The following MYO1C variants were observed in gnomAD, a reference collection of about 807,000 sequenced individuals.
The protein encoded by MYO1C is myosin IC, also known as unconventional myosin-Ic.
Under a neutral mutation model 150.8 loss-of-function variants are expected in MYO1C, and 104 were observed. The observed-to-expected ratio is 0.69, with a 90% CI of 0.59 to 0.81. The LOEUF (loss-of-function observed/expected upper bound fraction) is 0.81. MYO1C is among the 30% of genes least tolerant of loss of function. The pLI, the probability that MYO1C is intolerant of heterozygous loss-of-function variation, is 0.00. For synonymous variants in MYO1C, 663 were observed against 579.9 expected, an observed-to-expected ratio of 1.14 and a Z score of -2.06; for missense variants, 1,504 against 1,435.0, an observed-to-expected ratio of 1.05 and a Z score of -0.78.
chr17:1,485,371 C>A (rs2150965412), intron 1 of MYO1C: 2 of 156,120 alleles, frequency 1.3e-5, no homozygotes, highest in Non-Finnish European at 1.9e-5. Context: ...CGGGGGCCTG[C>A]CCCTCCCAGG....
At chr17:1,466,779 A>C (rs2074180406) in intron 31 of MYO1C, among the ~76,000 whole-genome samples, 1 of 150,880 alleles carries the variant, frequency 6.6e-6, no homozygotes, top group African/African-American at 2.4e-5. Flanking sequence ...GGCGTGCACC[A>C]CCACGCCCGG....
chr17:1,474,537 T>A, intron 17 of MYO1C, 73 bp downstream of exon 17: 1 of 1,504,556 alleles, frequency 6.6e-7, no homozygotes, highest in South Asian at 1.1e-5. Flanking sequence ...CGCTGCCAGC[T>A]CCCAGGCTCA....
At position 1,477,558 on chromosome 17, in the gene MYO1C, C is replaced by A. The variant is rs1227961508; in HGVS notation, c.1521G>T (p.Leu507=). 1 of 1,613,484 alleles carries A rather than the reference C, an allele frequency of 6.2e-7. No individual in the cohort carries two copies. The highest frequency in any genetic ancestry group is 1.3e-5 in the African/African-American group (1 of 74,902). ...ECLRPGEATD[L]TFLEKLEDTV... is the part of the protein sequence containing the mutation. Reference sequence around the variant, plus strand: ...TATCCTCCAGCTTCTCCAGGAAGGTCAGGTCTGTGGCCTCCCCGGGGCGCA... The same window carrying A: ...TATCCTCCAGCTTCTCCAGGAAGGTAAGGTCTGTGGCCTCCCCGGGGCGCA... Residue 507 remains leucine, a synonymous_variant, in exon 14 of 32, where the codon CTG becomes CTT. Transcript: ENST00000648651.
At chr17:1,483,412 C>A (rs764016545) in intron 3 of MYO1C, among the ~76,000 whole-genome samples, 198 bp downstream of exon 3, 1 of 151,530 alleles carries the variant, frequency 6.6e-6, no homozygotes, top group Non-Finnish European at 1.5e-5. Flanking sequence ...GGGTGTGAGT[C>A]GGGGTAGGGA....
rs371238639 is a variant in MYO1C, at chr17:1,470,693, C to T, written c.2213-4G>A. ...CAGGCAGCTTGGATCTTTGTGGCTG[C>T]GGTTGGGAAAGAAAGGCAATTGGCC... On this transcript the variant is annotated splice_polypyrimidine_tract_variant and splice_region_variant and intron_variant, in intron 21 of 31. Coordinates refer to ENST00000648651, the MANE Select transcript of MYO1C (RefSeq NM_001080779.2). 111 of 1,602,136 alleles carry T rather than the reference C, an allele frequency of 6.9e-5. No homozygotes were observed. Among genetic ancestry groups the T allele is most frequent in the Middle Eastern group, 3.3e-4 (2 of 6,082 alleles).
rs532136615 is a variant in MYO1C at position 1,470,897 on chromosome 17, G to C, written c.2212+174C>G. On this transcript the variant is annotated intron_variant, in intron 21 of 31. Coordinates refer to ENST00000648651, the MANE Select transcript of MYO1C (RefSeq NM_001080779.2). ...GGTGGGCGTGGGGCTGGAGCTGGTG[G>C]GGAGGGGCTCCAAGTCGGCCATTGG... The C allele has an allele frequency of 3.8e-5, 35 of 915,308 alleles. 1 individual carries two copies. The South Asian group carries it at 4.3e-4, about 11-fold the overall frequency. The allele number at this position is 915,308 out of a possible 1,614,324, so 56.7% of individuals were successfully genotyped here.
At chr17:1,485,007 C>T (rs932322108) in intron 1 of MYO1C, 60 of 868,558 alleles carry the variant, frequency 6.9e-5, no homozygotes, top group Non-Finnish European at 9.7e-5. Context: ...CTCCAGAACG[C>T]GGGGGAGGCC....
At chr17:1,469,428 C>A in intron 25 of MYO1C, 103 bp downstream of exon 25, 2 of 1,137,188 alleles carry the variant, frequency 1.8e-6, no homozygotes, top group Non-Finnish European at 2.6e-6. Flanking sequence ...GCGGTAAATA[C>A]GGTAGACCGG....
intron 14 of MYO1C, among the ~76,000 whole-genome samples, chr17:1,475,587 C>T (rs1302653129): frequency 3.3e-5 from 5 of 152,234 alleles, no homozygotes; most frequent in Non-Finnish European, 4.4e-5. Context: ...CTCGTTGCTT[C>T]GGCCGCTGCG....
intron 31 of MYO1C, among the ~76,000 whole-genome samples, chr17:1,466,139 C>T (rs2074165404): frequency 6.7e-6 from 1 of 149,038 alleles, no homozygotes; most frequent in Non-Finnish European, 1.5e-5. Flanking sequence ...ATCTTCCCTG[C>T]ATTGCCGTGC....
intron 31 of MYO1C, 136 bp downstream of exon 31, chr17:1,467,106 G>GC: frequency 1.2e-6 from 1 of 844,806 alleles, no homozygotes; most frequent in South Asian, 1.4e-5. Flanking sequence ...TCATGGGTGG[G>GC]CCAAGGGATG....
intron 13 of MYO1C, 119 bp from the exon 14 acceptor site, chr17:1,477,715 C>T: frequency 2.0e-6 from 2 of 989,516 alleles, no homozygotes; most frequent in South Asian, 2.6e-5. Flanking sequence ...AGGGAGTCTC[C>T]ACAGAGAGCT....
chr17:1,487,509 A>G (rs1485878743), intron 1 of MYO1C, among the ~76,000 whole-genome samples: 5 of 148,894 alleles, frequency 3.4e-5, no homozygotes, highest in Non-Finnish European at 7.5e-5. Flanking sequence ...GGGACCCCCG[A>G]GCGGGGGCAC....
At chr17:1,469,178 G>A in intron 25 of MYO1C, 1 of 373,876 alleles carries the variant, frequency 2.7e-6, no homozygotes, top group Non-Finnish European at 5.2e-6. Flanking sequence ...GTAGACCGGG[G>A]TAAATACGGT....
rs776295269 is a variant in MYO1C at position 1,479,709 on chromosome 17, G to C, written c.907-4C>G. ...TGGCCACGATGCTCAGCAGGTCCTG[G>C]GGGAGCAGGCCGGGGGCAGGAGGGG... On this transcript the variant is annotated splice_polypyrimidine_tract_variant and splice_region_variant and intron_variant, in intron 7 of 31. Transcript: ENST00000648651. This position sits in a 1 kb window ranked among gnomAD's most constrained non-coding sequence, Gnocchi z 4.2. The C allele has an allele frequency of 6.2e-6, 10 of 1,607,306 alleles. No individual in the cohort carries two copies. Among genetic ancestry groups the C allele is most frequent in the Middle Eastern group, 3.3e-4 (2 of 6,060 alleles).
At chr17:1,482,393 G>T in intron 5 of MYO1C, 85 bp downstream of exon 5, 1 of 1,226,472 alleles carries the variant, frequency 8.2e-7, no homozygotes, top group Non-Finnish European at 1.2e-6. Context: ...TGCAGCACCT[G>T]GAATAGTCCC....
chr17:1,473,005 A>C (rs541154727), intron 17 of MYO1C, among the ~76,000 whole-genome samples: 4 of 152,296 alleles, frequency 2.6e-5, no homozygotes, highest in Non-Finnish European at 5.9e-5. Context: ...GTTTAAGACT[A>C]GCCTGGCCAA....
At chr17:1,491,773 C>T (rs1367216600) in intron 1 of MYO1C, 1 of 515,842 alleles carries the variant, frequency 1.9e-6, no homozygotes, top group Non-Finnish European at 2.5e-6. Context: ...CGCCTCAGCC[C>T]CGGCCGCGTC....
rs566654738 is a variant in MYO1C, at chr17:1,484,928, G to A, written c.76-625C>T. ...TAGAGCGTCGAGCACCAAGCAAGAG[G>A]TTACTCCCAGACTACACCAGAGGGG... On this transcript the variant is annotated intron_variant, in intron 1 of 31. Transcript: ENST00000648651. 2.2e-3 allele frequency: 980 copies of A among 447,614 alleles called. 2 individuals carry two copies. The highest frequency in any genetic ancestry group is 3.2e-3 in the Admixed American group (132 of 41,840). The allele number at this position is 447,614 out of a possible 1,614,324, so 27.7% of individuals were successfully genotyped here. A position where few individuals can be genotyped will look rare whatever the true frequency, so the allele number is the denominator to read the frequency against.
Sources: allele counts gnomAD v4.1 joint callset (sites outside exome capture counted in the v4.1 genomes callset), GRCh38; gene constraint gnomAD v4.1.1; non-coding constraint Gnocchi (gnomAD v3.1); transcripts MANE v1.5; gene names NCBI Gene and HGNC (gene_info 2026-07-23, HGNC 2026-07-21).